Variants in TTC23 observed in about 807,000 individuals in gnomAD.
TTC23 encodes the protein tetratricopeptide repeat domain 23, also known as tetratricopeptide repeat protein 23.
A neutral mutation model predicts 55.1 loss-of-function variants in TTC23; 58 were observed. That is an observed-to-expected ratio of 1.05 (90% CI 0.85 to 1.31). The LOEUF (loss-of-function observed/expected upper bound fraction) is 1.31, where lower values mean the gene tolerates loss of function less well. Among genes scored for constraint, TTC23 ranks in the 50% most tolerant of loss-of-function variants. TTC23 has a pLI of 0.00. For missense variants in TTC23, 516 were observed against 534.4 expected, an observed-to-expected ratio of 0.97 and a Z score of 0.34; for synonymous variants, 203 against 199.9, an observed-to-expected ratio of 1.02 and a Z score of -0.13.
At chr15:99,142,689 A>G (rs2068375407) in intron 12 of TTC23, among the ~76,000 whole-genome samples, 1 of 152,192 alleles carries the variant, frequency 6.6e-6, no homozygotes, top group South Asian at 2.1e-4. Flanking sequence ...AAAGACATAC[A>G]GCATTGGTGA....
intron 3 of TTC23, among the ~76,000 whole-genome samples, chr15:99,238,433 A>G (rs1213769365): frequency 6.6e-6 from 1 of 152,208 alleles, no homozygotes; most frequent in East Asian, 1.9e-4. Flanking sequence ...TAAAATTGCT[A>G]GAAGAGTGGC....
rs1279556761 is a variant in TTC23 at position 99,180,166 on chromosome 15, G to C, written c.760-5011C>G. Among the ~76,000 whole-genome samples, 3 of 152,076 alleles carry C rather than the reference G, an allele frequency of 2.0e-5. No homozygotes were observed. In the East Asian group the frequency reaches 5.8e-4, roughly 29 times the overall value. ...GGATTTATTAATCTCCCCAGGGCTTGCATTTCCCCTCATGTCTTTTGTTCT... is the reference window on the plus strand; with the variant it reads ...GGATTTATTAATCTCCCCAGGGCTTCCATTTCCCCTCATGTCTTTTGTTCT... On this transcript the variant is annotated intron_variant, in intron 9 of 13. Transcript: ENST00000394132.
chr15:99,161,466 C>A (rs1288606146), intron 11 of TTC23, among the ~76,000 whole-genome samples: 1 of 152,200 alleles, frequency 6.6e-6, no homozygotes, highest in African/African-American at 2.4e-5. Context: ...GCCAGATCTG[C>A]AGGACTTCAA....
At chr15:99,227,978 G>A (rs2078602406) in intron 5 of TTC23, among the ~76,000 whole-genome samples, 1 of 152,162 alleles carries the variant, frequency 6.6e-6, no homozygotes, top group African/African-American at 2.4e-5. Flanking sequence ...ACCATTATCT[G>A]TCCCCCGTCT....
chr15:99,170,936 A>C (rs945905932), intron 10 of TTC23, among the ~76,000 whole-genome samples: 2 of 152,222 alleles, frequency 1.3e-5, no homozygotes, highest in African/African-American at 4.8e-5. Flanking sequence ...CACTGTGGGC[A>C]CAAGGATTTC....
chr15:99,159,399 T>G (rs529321826), intron 11 of TTC23: 7 of 152,328 alleles, frequency 4.6e-5, no homozygotes, highest in African/African-American at 1.4e-4. Context: ...TCCACATGAA[T>G]ATATACTTAC....
intron 11 of TTC23, chr15:99,160,379 T>C (rs902769948): frequency 1.3e-5 from 2 of 151,820 alleles, no homozygotes; most frequent in African/African-American, 4.8e-5. Context: ...TCAAAAATTA[T>C]ATGGGAAAAA....
chr15:99,196,892 T>G (rs2075760771), intron 9 of TTC23, among the ~76,000 whole-genome samples: 1 of 152,210 alleles, frequency 6.6e-6, no homozygotes, highest in African/African-American at 2.4e-5. Context: ...ACCCATCTAC[T>G]GCCTTTGCCA....
chr15:99,210,574 G>A (rs931477290), intron 8 of TTC23, among the ~76,000 whole-genome samples: 1 of 152,202 alleles, frequency 6.6e-6, no homozygotes, highest in African/African-American at 2.4e-5. Flanking sequence ...GAGCAGGCAA[G>A]GGAGAAGCAG....
At chr15:99,201,586 G>A (rs890992986) in intron 8 of TTC23, among the ~76,000 whole-genome samples, 2 of 152,176 alleles carry the variant, frequency 1.3e-5, no homozygotes, top group Non-Finnish European at 2.9e-5. Flanking sequence ...TGGTCCAGAT[G>A]GCCACAGTGG....
chr15:99,139,178 C>A (rs1555488702), intron 13 of TTC23, 139 bp downstream of exon 13: 1 of 1,080,730 alleles, frequency 9.3e-7, no homozygotes, highest in African/African-American at 1.6e-5. Context: ...TTCAAAGGAA[C>A]TTGTCCTTTA....
At chr15:99,173,584 T>A (rs2073200360) in intron 10 of TTC23, among the ~76,000 whole-genome samples, 1 of 151,986 alleles carries the variant, frequency 6.6e-6, no homozygotes, top group Non-Finnish European at 1.5e-5. Context: ...AGACCCTGTC[T>A]CTAAAAAAAT....
At chr15:99,148,315 C>T (rs1245603571) in intron 12 of TTC23, among the ~76,000 whole-genome samples, 1 of 128,258 alleles carries the variant, frequency 7.8e-6, no homozygotes, top group East Asian at 2.4e-4. Flanking sequence ...GAGCCGAGAT[C>T]GCGACACTGC....
chr15:99,246,043 G>A (rs928091794), intron 1 of TTC23, among the ~76,000 whole-genome samples: 1 of 151,980 alleles, frequency 6.6e-6, no homozygotes, highest in Non-Finnish European at 1.5e-5. Flanking sequence ...CTCCTGACCT[G>A]AGGTGATCCA....
At chr15:99,243,451 C>T (rs932673568) in intron 2 of TTC23, among the ~76,000 whole-genome samples, 1 of 152,120 alleles carries the variant, frequency 6.6e-6, no homozygotes, top group African/African-American at 2.4e-5. Context: ...CCTCAAAAAG[C>T]TAAAAATAGA....
rs1489476866 is a variant in TTC23, at chr15:99,139,538, T to G, written c.1144-139A>C. 20 of 1,548,792 alleles carry G rather than the reference T, an allele frequency of 1.3e-5. No individual in the cohort carries two copies. The Middle Eastern group carries it at 6.7e-4, about 52-fold the overall frequency. ...GGAATTAGCATGCTCCTGGGATGTC[T>G]CCTAGTGACTGACCTTTGGTTTGGA... On this transcript the variant is annotated intron_variant, in intron 12 of 13. Coordinates refer to ENST00000394132, the MANE Select transcript of TTC23 (RefSeq NM_001288615.3).
chr15:99,226,218 T>C (rs575852439), intron 5 of TTC23, among the ~76,000 whole-genome samples: 1 of 152,300 alleles, frequency 6.6e-6, no homozygotes, highest in East Asian at 1.9e-4. Flanking sequence ...TAAGAAGAAA[T>C]ATAAACAAGG....
At chr15:99,165,350 G>C (rs945208813) in intron 10 of TTC23, among the ~76,000 whole-genome samples, 9 of 152,184 alleles carry the variant, frequency 5.9e-5, no homozygotes, top group African/African-American at 2.2e-4. Flanking sequence ...TGAGAATCCT[G>C]GGTCTTAAGA....
intron 9 of TTC23, among the ~76,000 whole-genome samples, chr15:99,180,550 G>A (rs1304139897): frequency 6.6e-6 from 1 of 152,182 alleles, no homozygotes; most frequent in African/African-American, 2.4e-5. Context: ...GGTAAAATGT[G>A]TAATATTTCC....
Sources: allele counts gnomAD v4.1 joint callset (sites outside exome capture counted in the v4.1 genomes callset), GRCh38; gene constraint gnomAD v4.1.1; transcripts MANE v1.5; gene names NCBI Gene and HGNC (gene_info 2026-07-23, HGNC 2026-07-21).